TENM2: variants seen among roughly 807,000 people sequenced by gnomAD.
TENM2 encodes teneurin transmembrane protein 2, also known as teneurin-2.
Under a neutral mutation model 245.2 loss-of-function variants are expected in TENM2, and 52 were observed. The observed-to-expected ratio is 0.21, with a 90% confidence interval of 0.17 to 0.27. The LOEUF (loss-of-function observed/expected upper bound fraction) is 0.27, where lower values mean the gene tolerates loss of function less well. TENM2 is among the 10% of genes least tolerant of loss of function. The probability of loss-of-function intolerance (pLI) is 1.00; values close to 1 mark genes in which losing one functional copy is unlikely to be tolerated. For missense variants in TENM2, 3,046 were observed against 3,666.8 expected (o/e 0.83, Z 4.37); for synonymous variants, 1,363 against 1,438.9 (o/e 0.95, Z 1.19).
chr5:167,489,525 G>GC (rs1156841758), intron 2 of TENM2, among the ~76,000 whole-genome samples: 15 of 152,060 alleles, frequency 9.9e-5, no homozygotes, highest in Admixed American at 7.2e-4. Context: ...TGGCAACACT[G>GC]CCCTTCAGCA....
rs181480644 is a variant in TENM2, at chr5:167,934,871, C to G, written c.713-17717C>G. On this transcript the variant is annotated intron_variant, in intron 3 of 28. Transcript: ENST00000518659. ...GCAACGGAGGAGGCTTAGCTTAGTA[C>G]GCGTTCGGCAGGACGGGTGTGCAGG... The G allele has an allele frequency of 8.5e-5, 84 of 985,374 alleles. 1 individual carries two copies. Among genetic ancestry groups the G allele is most frequent in the Admixed American group, 1.8e-4 (3 of 16,266 alleles). The allele number at this position is 985,374 out of a possible 1,614,324, so 61.0% of individuals were successfully genotyped here. A position where few individuals can be genotyped will look rare whatever the true frequency, so the allele number is the denominator to read the frequency against.
At chr5:167,844,974 A>G (rs1425996221) in intron 2 of TENM2, among the ~76,000 whole-genome samples, 3 of 151,920 alleles carry the variant, frequency 2.0e-5, no homozygotes, top group Admixed American at 6.6e-5. Context: ...ATGCTGAATT[A>G]GTGAATGTCT....
chr5:168,215,208 C>G, exon 21 of TENM2: 10 of 1,613,890 alleles, frequency 6.2e-6, no homozygotes, highest in Non-Finnish European at 8.5e-6. Flanking sequence ...AGTGTCTACC[C>G]TTTGATGAAG....
intron 2 of TENM2, among the ~76,000 whole-genome samples, chr5:167,663,002 G>A (rs572435743): frequency 2.8e-4 from 42 of 152,104 alleles, no homozygotes; most frequent in South Asian, 8.3e-4. Flanking sequence ...TAACCTCTGT[G>A]TCTCTGTCTT....
chr5:167,831,635 T>C (rs1768503887), intron 2 of TENM2, among the ~76,000 whole-genome samples: 1 of 152,174 alleles, frequency 6.6e-6, no homozygotes, highest in Non-Finnish European at 1.5e-5. Flanking sequence ...TTTATTCTTT[T>C]GGTCCATTTT....
chr5:167,284,496 T>C (rs1771222602), upstream of TENM2, among the ~76,000 whole-genome samples: 1 of 152,254 alleles, frequency 6.6e-6, no homozygotes, highest in Non-Finnish European at 1.5e-5. Context: ...TCATGTCATC[T>C]GTGCATACAA....
At chr5:167,699,494 TCTTA>T (rs1283774288) in intron 2 of TENM2, among the ~76,000 whole-genome samples, 2 of 152,184 alleles carry the variant, frequency 1.3e-5, no homozygotes, top group African/African-American at 4.8e-5. Flanking sequence ...CATCCCCAAG[TCTTA>T]CTTTACAGAT....
At chr5:167,629,102 A>G (rs902984389) in intron 2 of TENM2, among the ~76,000 whole-genome samples, 1 of 152,200 alleles carries the variant, frequency 6.6e-6, no homozygotes, top group African/African-American at 2.4e-5. Context: ...TCCACATTAG[A>G]AAAGTTGGGC....
At chr5:167,105,006 C>T in the TENM2 span, among the ~76,000 whole-genome samples, 1 of 152,224 alleles carries the variant, frequency 6.6e-6, no homozygotes, top group Non-Finnish European at 1.5e-5. Flanking sequence ...AAATAAGCTA[C>T]TTCCACAAAG....
chr5:167,433,640 A>G (rs1764375712), intron 2 of TENM2, among the ~76,000 whole-genome samples: 1 of 152,106 alleles, frequency 6.6e-6, no homozygotes, highest in South Asian at 2.1e-4. Context: ...AAGTAATGTG[A>G]CATTTGTACT....
intron 2 of TENM2, among the ~76,000 whole-genome samples, chr5:167,733,245 C>A (rs1760564581): frequency 6.6e-6 from 1 of 152,062 alleles, no homozygotes; most frequent in African/African-American, 2.4e-5. Flanking sequence ...TGTTTGACAT[C>A]AAGGAACTAA....
intron 2 of TENM2, among the ~76,000 whole-genome samples, chr5:167,811,041 G>T (rs1190456300): frequency 6.6e-6 from 1 of 152,144 alleles, no homozygotes; most frequent in Non-Finnish European, 1.5e-5. Context: ...ATGCTACTGA[G>T]AACAGAATTG....
At chr5:168,036,701 G>GTA (rs1356130908) in intron 5 of TENM2, among the ~76,000 whole-genome samples, 1 of 51,296 alleles carries the variant, frequency 1.9e-5, no homozygotes, top group African/African-American at 1.3e-4. Flanking sequence ...ATATATATAT[G>GTA]TATGTGTATA....
At chr5:167,468,766 T>C (rs1397591101) in intron 2 of TENM2, among the ~76,000 whole-genome samples, 1 of 152,228 alleles carries the variant, frequency 6.6e-6, no homozygotes, top group Non-Finnish European at 1.5e-5. Context: ...TCATTGATTC[T>C]CAAATGAAAT....
intron 2 of TENM2, among the ~76,000 whole-genome samples, chr5:167,836,093 T>C (rs1768964973): frequency 6.6e-6 from 1 of 152,216 alleles, no homozygotes; most frequent in African/African-American, 2.4e-5. Flanking sequence ...CTACACAAGA[T>C]AGCAACGTTG....
intron 7 of TENM2, among the ~76,000 whole-genome samples, chr5:168,082,830 G>A (rs180923962): frequency 1.0e-3 from 157 of 152,276 alleles, no homozygotes; most frequent in Non-Finnish European, 1.4e-3. Flanking sequence ...TCTCAGATGG[G>A]CATCTGGCTG....
chr5:167,858,054 T>C (rs1771255414), intron 2 of TENM2, among the ~76,000 whole-genome samples: 1 of 152,270 alleles, frequency 6.6e-6, no homozygotes, highest in South Asian at 2.1e-4. Flanking sequence ...TTTGACTTCA[T>C]CTAGATCATT....
chr5:167,515,449 T>G (rs1770259787), intron 2 of TENM2, among the ~76,000 whole-genome samples: 1 of 151,514 alleles, frequency 6.6e-6, no homozygotes, highest in African/African-American at 2.4e-5. Context: ...GACACATAGT[T>G]TAGAAATGTA....
intron 2 of TENM2, among the ~76,000 whole-genome samples, chr5:167,406,241 A>G (rs546672040): frequency 7.2e-5 from 11 of 152,230 alleles, no homozygotes; most frequent in African/African-American, 2.6e-4. Context: ...CTCATCCGGG[A>G]TGTTTAATGA....
Sources: gnomAD v4.1 joint callset for allele counts (sites outside exome capture counted in the v4.1 genomes callset) on GRCh38, gnomAD v4.1.1 for gene constraint, MANE v1.5 for transcripts, NCBI Gene and HGNC (gene_info 2026-07-23, HGNC 2026-07-21) for gene names.